Variants in DLGAP1 observed in about 807,000 individuals in gnomAD.
DLGAP1 encodes DLG associated protein 1.
A neutral mutation model predicts 90.8 loss-of-function variants in DLGAP1; 11 were observed. The ratio of observed to expected loss-of-function variants is 0.12; its 90% CI spans 0.08 to 0.20. The LOEUF (loss-of-function observed/expected upper bound fraction) is 0.20. Ranked by LOEUF, DLGAP1 falls within the 10% of genes least tolerant of loss-of-function variation. The pLI is 1.00. For synonymous variants in DLGAP1, 558 were observed against 540.7 expected, an observed-to-expected ratio of 1.03 and a Z score of -0.44; for missense variants, 1,050 against 1,333.8, an observed-to-expected ratio of 0.79 and a Z score of 3.31.
chr18:3,574,497 A>C (rs1385278747), intron 8 of DLGAP1, among the ~76,000 whole-genome samples: 1 of 152,102 alleles, frequency 6.6e-6, no homozygotes, highest in Non-Finnish European at 1.5e-5. Flanking sequence ...AAATGGTTAG[A>C]TTTTGTTATC....
intron 2 of DLGAP1, among the ~76,000 whole-genome samples, chr18:4,075,481 T>G (rs1377939369): frequency 6.6e-6 from 1 of 152,196 alleles, no homozygotes; most frequent in Non-Finnish European, 1.5e-5. Flanking sequence ...GTACCCCATT[T>G]GAAAGCACCC....
chr18:3,647,581 T>C (rs1306045184), intron 7 of DLGAP1, among the ~76,000 whole-genome samples: 5 of 152,044 alleles, frequency 3.3e-5, no homozygotes. Flanking sequence ...TTCTCCTGCC[T>C]TAGCCTCCCG....
At chr18:4,419,879 A>G (rs2082989202) in intron 1 of DLGAP1, among the ~76,000 whole-genome samples, 1 of 152,174 alleles carries the variant, frequency 6.6e-6, no homozygotes, top group African/African-American at 2.4e-5. Flanking sequence ...CAAATAGAAA[A>G]CAGCTAACAT....
chr18:3,840,372 A>T (rs2068646811), intron 4 of DLGAP1, among the ~76,000 whole-genome samples: 1 of 152,094 alleles, frequency 6.6e-6, no homozygotes, highest in African/African-American at 2.4e-5. Context: ...TCGAGGGGAG[A>T]ATCCATTTCC....
intron 1 of DLGAP1, among the ~76,000 whole-genome samples, chr18:4,222,082 C>A (rs903265533): frequency 6.6e-6 from 1 of 152,100 alleles, no homozygotes; most frequent in Admixed American, 6.6e-5. Flanking sequence ...AACATCATCT[C>A]TTTTCATTCT....
At chr18:3,510,859 G>A (rs2050501097) in intron 10 of DLGAP1, among the ~76,000 whole-genome samples, 1 of 152,252 alleles carries the variant, frequency 6.6e-6, no homozygotes. Context: ...TCTCAAAAGA[G>A]GAGACAGCAC....
In DLGAP1 at chr18:3,729,474, C is replaced by A. The variant is rs1250681410; in HGVS notation, c.1351-99G>T. 2.7e-6 allele frequency: 4 copies of A among 1,488,232 alleles called. No homozygotes were observed. The Admixed American group carries it at 8.7e-5, about 32-fold the overall frequency. 92.2% of individuals were successfully genotyped at this position (1,488,232 alleles called of 1,614,324 possible). A position where few individuals can be genotyped will look rare whatever the true frequency, so the allele number is the denominator to read the frequency against. ...CTTCAATCCCCAGAAGAAAAAGCAGCGTCTGGTTAGATTAAGCTCAAATGC... is the reference window on the plus strand; with the variant it reads ...CTTCAATCCCCAGAAGAAAAAGCAGAGTCTGGTTAGATTAAGCTCAAATGC... On this transcript the variant is annotated intron_variant, in intron 6 of 12. Coordinates refer to ENST00000315677, the MANE Select transcript of DLGAP1 (RefSeq NM_004746.4). This position sits in a 1 kb window ranked among gnomAD's most constrained non-coding sequence, Gnocchi z 6.2.
intron 4 of DLGAP1, among the ~76,000 whole-genome samples, chr18:3,864,062 G>A (rs866927141): frequency 1.3e-5 from 2 of 152,218 alleles, no homozygotes; most frequent in African/African-American, 4.8e-5. Flanking sequence ...GCTTTTATCT[G>A]GCCACTGCCC....
chr18:3,790,205 A>G (rs1377259054), intron 5 of DLGAP1, among the ~76,000 whole-genome samples: 1 of 151,972 alleles, frequency 6.6e-6, no homozygotes, highest in African/African-American at 2.4e-5. Context: ...GAATGGTGGA[A>G]CTTGGCTCTT....
intron 3 of DLGAP1, among the ~76,000 whole-genome samples, chr18:3,883,969 G>A (rs1046412098): frequency 2.0e-5 from 3 of 152,332 alleles, no homozygotes; most frequent in Admixed American, 6.5e-5. Context: ...AGGGCAATCC[G>A]CCTGGAAGAG....
At chr18:3,691,009 G>T (rs1472289434) in intron 7 of DLGAP1, among the ~76,000 whole-genome samples, 1 of 152,224 alleles carries the variant, frequency 6.6e-6, no homozygotes, top group Non-Finnish European at 1.5e-5. Context: ...ATAGGTGGAA[G>T]GTGTATATAA....
At chr18:4,290,136 T>G (rs2079809872) in intron 1 of DLGAP1, among the ~76,000 whole-genome samples, 1 of 152,230 alleles carries the variant, frequency 6.6e-6, no homozygotes, top group African/African-American at 2.4e-5. Context: ...TGTTAGAAAT[T>G]TACTGTCTCT....
chr18:3,655,328 A>T (rs1395074922), intron 7 of DLGAP1, among the ~76,000 whole-genome samples: 2 of 152,220 alleles, frequency 1.3e-5, no homozygotes, highest in African/African-American at 4.8e-5. Context: ...TCTACTTTTG[A>T]TTTGTGAAAC....
At chr18:3,568,788 A>G (rs748569552) in intron 8 of DLGAP1, among the ~76,000 whole-genome samples, 15 of 151,598 alleles carry the variant, frequency 9.9e-5, no homozygotes, top group South Asian at 2.1e-4. Context: ...CCAGGTTCAC[A>G]CCATTCTCCT....
At chr18:3,560,312 G>C (rs991630014) in intron 9 of DLGAP1, among the ~76,000 whole-genome samples, 1 of 151,622 alleles carries the variant, frequency 6.6e-6, no homozygotes, top group African/African-American at 2.4e-5. Context: ...CCAGCTACTC[G>C]GTAGGCTGAG....
At chr18:3,789,095 T>C (rs561445863) in intron 5 of DLGAP1, among the ~76,000 whole-genome samples, 1 of 152,348 alleles carries the variant, frequency 6.6e-6, no homozygotes, top group South Asian at 2.1e-4. Context: ...ATGGATATTA[T>C]GGTGCTAGTC....
intron 2 of DLGAP1, among the ~76,000 whole-genome samples, chr18:4,095,901 G>C (rs948804013): frequency 6.6e-6 from 1 of 151,830 alleles, no homozygotes; most frequent in African/African-American, 2.4e-5. Context: ...CGGAATCTTC[G>C]AAGTGATTTA....
intron 2 of DLGAP1, among the ~76,000 whole-genome samples, chr18:4,057,689 GC>G (rs2075242159): frequency 6.6e-6 from 1 of 152,060 alleles, no homozygotes; most frequent in Non-Finnish European, 1.5e-5. Context: ...TTCTCTCTCT[GC>G]TTTATGCTCC....
intron 7 of DLGAP1, among the ~76,000 whole-genome samples, chr18:3,587,291 G>T (rs951612195): frequency 6.6e-6 from 1 of 151,676 alleles, no homozygotes; most frequent in South Asian, 2.1e-4. Flanking sequence ...CTGACCTCAG[G>T]TGATTCACCT....
Sources: allele counts gnomAD v4.1 joint callset (sites outside exome capture counted in the v4.1 genomes callset), GRCh38; gene constraint gnomAD v4.1.1; non-coding constraint Gnocchi (gnomAD v3.1); transcripts MANE v1.5; gene names NCBI Gene and HGNC (gene_info 2026-07-23, HGNC 2026-07-21).